Variants in MLLT10 observed in about 807,000 individuals in gnomAD.
The protein encoded by MLLT10 is protein AF-10.
Under a neutral mutation model 129.1 loss-of-function variants are expected in MLLT10, and 30 were observed. The observed-to-expected ratio is 0.23, with a 90% CI of 0.17 to 0.32. The LOEUF is 0.32. MLLT10 is among the 10% of genes least tolerant of loss of function. The pLI is 1.00. For synonymous variants in MLLT10, 490 were observed against 446.4 expected (o/e 1.10, Z -1.23); for missense variants, 1,119 against 1,268.3 (o/e 0.88, Z 1.79).
chr10:21,731,097 A>G, intron 17 of MLLT10, 43 bp downstream of exon 17: 1 of 1,551,318 alleles, frequency 6.4e-7, no homozygotes, highest in Non-Finnish European at 8.7e-7. Flanking sequence ...ACAGATGGGC[A>G]GATGGACAAA....
At chr10:21,625,134 G>A (rs1256846095) in intron 8 of MLLT10, 9 of 1,056,552 alleles carry the variant, frequency 8.5e-6, no homozygotes, top group African/African-American at 7.8e-5. Context: ...ACCTCTAATC[G>A]GAAGCGGCAT....
At position 21,670,580 on chromosome 10, in the gene MLLT10, G is replaced by C; in HGVS notation, c.927G>C (p.Glu309Asp). The C allele has an allele frequency of 6.2e-7, 1 of 1,614,186 alleles. No individual in the cohort carries two copies. Among genetic ancestry groups the C allele is most frequent in the Non-Finnish European group, 8.5e-7 (1 of 1,180,042 alleles). The change falls in exon 10 of 23, where the codon GAG becomes GAC. Residue 309 changes from glutamate (E) to aspartate (D), a missense_variant. Glu to Asp is a conservative substitution (Grantham distance 45). Transcript: ENST00000307729. ...AHTSSGKDVSETRGSEGKGKK... is the reference protein window; with the variant it reads ...AHTSSGKDVSDTRGSEGKGKK... ...CCTCTAGTGGAAAAGATGTTTCAGA[G>C]ACTAGAGGGTCAGAGGGCAAAGGGA...
At chr10:21,705,436 G>A (rs2055397284) in intron 13 of MLLT10, among the ~76,000 whole-genome samples, 1 of 152,170 alleles carries the variant, frequency 6.6e-6, no homozygotes, top group South Asian at 2.1e-4. Context: ...GCCCCCTGAT[G>A]GTATTTGCAG....
intron 4 of MLLT10, among the ~76,000 whole-genome samples, chr10:21,594,324 C>G (rs1255397090): frequency 6.6e-6 from 1 of 151,602 alleles, no homozygotes; most frequent in African/African-American, 2.4e-5. Flanking sequence ...CTGAGGTGGG[C>G]GGATCACCTG....
intron 2 of MLLT10, among the ~76,000 whole-genome samples, chr10:21,535,902 A>G (rs1335831832): frequency 2.0e-5 from 3 of 152,138 alleles, no homozygotes; most frequent in Non-Finnish European, 2.9e-5. Flanking sequence ...TAGTGTACTT[A>G]CTCTGAGAAT....
At chr10:21,631,326 A>G (rs1455417282) in intron 8 of MLLT10, among the ~76,000 whole-genome samples, 1 of 151,196 alleles carries the variant, frequency 6.6e-6, no homozygotes, top group Admixed American at 6.6e-5. Context: ...AAAAAAAAAA[A>G]AAAAAAAAAG....
chr10:21,717,375 G>C (rs751272433), intron 14 of MLLT10, among the ~76,000 whole-genome samples: 13 of 122,120 alleles, frequency 1.1e-4, no homozygotes, highest in Admixed American at 8.1e-4. Context: ...CTGGGAAAAG[G>C]AGATACTTGT....
At chr10:21,596,139 T>A (rs1171446636) in intron 5 of MLLT10, among the ~76,000 whole-genome samples, 1 of 152,166 alleles carries the variant, frequency 6.6e-6, no homozygotes, top group African/African-American at 2.4e-5. Context: ...ATATTTATTT[T>A]AAAAACTTGA....
At chr10:21,566,083 GC>G (rs1241653324) in intron 3 of MLLT10, among the ~76,000 whole-genome samples, 1 of 150,176 alleles carries the variant, frequency 6.7e-6, no homozygotes, top group Non-Finnish European at 1.5e-5. Context: ...CTCCAGAGTA[GC>G]TATTACAGGT....
chr10:21,578,942 C>T (rs1347463309), intron 3 of MLLT10, among the ~76,000 whole-genome samples: 2 of 152,172 alleles, frequency 1.3e-5, no homozygotes, highest in Admixed American at 1.3e-4. Context: ...TAAGTTTACC[C>T]AGATATTTAC....
intron 8 of MLLT10, among the ~76,000 whole-genome samples, chr10:21,649,177 G>T (rs577992755): frequency 3.9e-4 from 60 of 152,300 alleles, no homozygotes; most frequent in African/African-American, 1.4e-3. Context: ...CCAGGCTCAA[G>T]CAATCCTCCC....
chr10:21,602,082 TC>T (rs1475258622), intron 5 of MLLT10, among the ~76,000 whole-genome samples: 6 of 152,164 alleles, frequency 3.9e-5, no homozygotes, highest in African/African-American at 1.2e-4. Flanking sequence ...GTCCTAAATT[TC>T]CAGGAGAACA....
At chr10:21,689,565 G>GTATATATATATATATATATGTA (rs2053624162) in intron 13 of MLLT10, among the ~76,000 whole-genome samples, 7 of 113,468 alleles carry the variant, frequency 6.2e-5, no homozygotes, top group African/African-American at 2.1e-4. Context: ...ATATATATAT[G>GTATATATATATATATATATGTA]TATATATATA....
At chr10:21,578,359 C>G (rs7087761) in intron 3 of MLLT10, among the ~76,000 whole-genome samples, 4,299 of 152,208 alleles carry the variant, frequency 0.028, 200 homozygotes, top group African/African-American at 0.097. Context: ...GCTCTGTATC[C>G]TGGATACAAA....
chr10:21,579,175 T>C (rs2041106826), intron 3 of MLLT10, among the ~76,000 whole-genome samples: 1 of 152,236 alleles, frequency 6.6e-6, no homozygotes, highest in Non-Finnish European at 1.5e-5. Context: ...TTAAGTATTT[T>C]AGTTTACTTT....
intron 16 of MLLT10, among the ~76,000 whole-genome samples, chr10:21,728,156 C>T (rs938486356): frequency 2.6e-5 from 4 of 152,220 alleles, no homozygotes; most frequent in East Asian, 1.9e-4. Context: ...CCAATCAGTT[C>T]GAACTCTCTT....
rs140141865 is a variant in MLLT10, at chr10:21,603,145, C to G, written c.405+7705C>G. Among the ~76,000 whole-genome samples the G allele has an allele frequency of 8.8e-3, 1,313 of 149,812 alleles. 12 individuals carry two copies. Among genetic ancestry groups the G allele is most frequent in the African/African-American group, 0.03 (1,225 of 40,770 alleles). On this transcript the variant is annotated intron_variant, in intron 5 of 22. Coordinates refer to ENST00000307729, the MANE Select transcript of MLLT10 (RefSeq NM_001195626.3). Reference sequence around the variant, plus strand: ...TTGGCTCACTGCAACCTCCTCCTCCCGAGTTCAAGCCATTCTCCTGTCTCA... The same window carrying G: ...TTGGCTCACTGCAACCTCCTCCTCCGGAGTTCAAGCCATTCTCCTGTCTCA...
chr10:21,621,524 C>G (rs1422934544), intron 8 of MLLT10, among the ~76,000 whole-genome samples: 1 of 152,214 alleles, frequency 6.6e-6, no homozygotes, highest in Non-Finnish European at 1.5e-5. Context: ...GGATTACAGG[C>G]GTGAGCTACC....
At chr10:21,560,909 TCTTTTTGTGTGA>T (rs1481498323) in intron 3 of MLLT10, among the ~76,000 whole-genome samples, 19 of 152,202 alleles carry the variant, frequency 1.2e-4, no homozygotes, top group African/African-American at 4.6e-4. Context: ...GGTCCTTTGC[TCTTTTTGTGTGA>T]CTTTTTGTTG....
Sources: gnomAD v4.1 joint callset for allele counts (sites outside exome capture counted in the v4.1 genomes callset) on GRCh38, gnomAD v4.1.1 for gene constraint, MANE v1.5 for transcripts, NCBI Gene and HGNC (gene_info 2026-07-23, HGNC 2026-07-21) for gene names.